LHFPL2: variants seen among roughly 807,000 people sequenced by gnomAD.
LHFPL2 encodes the protein LHFPL tetraspan subfamily member 2 protein.
In LHFPL2, 7 loss-of-function variants were observed where a neutral mutation model predicts 17.5. The ratio of observed to expected loss-of-function variants is 0.40; its 90% confidence interval spans 0.23 to 0.75. The LOEUF (loss-of-function observed/expected upper bound fraction) is 0.75. Ranked by LOEUF, LHFPL2 falls within the 30% of genes least tolerant of loss-of-function variation. The pLI, the probability that LHFPL2 is intolerant of heterozygous loss-of-function variation, is 0.37. For synonymous variants in LHFPL2, 134 were observed against 116.2 expected (o/e 1.15, Z -0.99); for missense variants, 241 against 294.8 (o/e 0.82, Z 1.34).
intron 2 of LHFPL2, among the ~76,000 whole-genome samples, chr5:78,587,505 T>C (rs767533225): frequency 7.9e-5 from 12 of 152,354 alleles, no homozygotes; most frequent in Non-Finnish European, 1.8e-4. Context: ...GCTTGAATCC[T>C]AAATACTCTA....
In LHFPL2 at chr5:78,488,858, A is replaced by G. The variant is rs747382153; in HGVS notation, c.*39T>C. ...TGATGAAACTGTGGACTGTTTCACA[A>G]GATTACTCAAGGGAGAAAATGGCAT... On this transcript the variant is annotated 3_prime_UTR_variant, in exon 5 of 5. Coordinates refer to ENST00000380345, the MANE Select transcript of LHFPL2 (RefSeq NM_005779.3). 79 of 1,605,950 alleles carry G rather than the reference A, an allele frequency of 4.9e-5. No individual in the cohort carries two copies. The highest frequency in any genetic ancestry group is 6.4e-5 in the Non-Finnish European group (75 of 1,176,370).
chr5:78,512,390 A>AAAT (rs1170900615), intron 3 of LHFPL2, among the ~76,000 whole-genome samples: 6 of 150,064 alleles, frequency 4.0e-5, no homozygotes, highest in African/African-American at 7.3e-5. Context: ...TGGATAATTT[A>AAAT]TATCCAACTG....
chr5:78,607,447 C>T (rs561629686), intron 2 of LHFPL2, among the ~76,000 whole-genome samples: 12 of 152,262 alleles, frequency 7.9e-5, no homozygotes, highest in South Asian at 2.1e-4. Flanking sequence ...GTTTGTATTT[C>T]GCCATTCTGA....
intron 3 of LHFPL2, among the ~76,000 whole-genome samples, chr5:78,521,797 A>G (rs1242843208): frequency 1.3e-5 from 2 of 152,208 alleles, no homozygotes; most frequent in African/African-American, 4.8e-5. Flanking sequence ...TTTTGCTCCA[A>G]TCTGCCATTT....
intron 4 of LHFPL2, among the ~76,000 whole-genome samples, chr5:78,489,804 T>A (rs1219037670): frequency 1.3e-5 from 2 of 152,262 alleles, no homozygotes; most frequent in Non-Finnish European, 2.9e-5. Context: ...GGAACACAGC[T>A]GTGGCCATTC....
At chr5:78,627,198 C>A (rs961649157) in intron 2 of LHFPL2, among the ~76,000 whole-genome samples, 1 of 152,118 alleles carries the variant, frequency 6.6e-6, no homozygotes, top group Non-Finnish European at 1.5e-5. Context: ...TGAATGAAGA[C>A]GGACATGGGA....
chr5:78,587,356 A>C (rs1743452932), intron 2 of LHFPL2, among the ~76,000 whole-genome samples: 1 of 152,254 alleles, frequency 6.6e-6, no homozygotes, highest in Non-Finnish European at 1.5e-5. Context: ...CCATTATGGA[A>C]GAATTTCACC....
In LHFPL2 at chr5:78,506,908, G is replaced by A. The variant is rs181317581; in HGVS notation, c.430+2876C>T. ...TTTGAGATGCTGCATAAGTAACAGG[G>A]GTAGGGAGGAAGTTAAAGCTTCCAG... is the stretch of plus-strand genomic sequence containing the variant. On this transcript the variant is annotated intron_variant, in intron 4 of 4. Transcript: ENST00000380345. Among the ~76,000 whole-genome samples the A allele has an allele frequency of 7.0e-4, 107 of 152,120 alleles. 1 individual carries two copies. The highest frequency in any genetic ancestry group is 3.5e-4 in the Non-Finnish European group (24 of 67,992).
At chr5:78,548,432 G>C (rs149879555) in intron 3 of LHFPL2, among the ~76,000 whole-genome samples, 1 of 152,318 alleles carries the variant, frequency 6.6e-6, no homozygotes, top group African/African-American at 2.4e-5. Context: ...GCTGAAAACA[G>C]GCCCCCTGTG....
At chr5:78,508,105 G>A (rs1371124801) in intron 4 of LHFPL2, among the ~76,000 whole-genome samples, 2 of 151,992 alleles carry the variant, frequency 1.3e-5, no homozygotes, top group East Asian at 3.9e-4. Flanking sequence ...GAAGGGGAGA[G>A]TCATCTTCAG....
At chr5:78,513,549 T>C (rs1352671559) in intron 3 of LHFPL2, among the ~76,000 whole-genome samples, 1 of 152,020 alleles carries the variant, frequency 6.6e-6, no homozygotes, top group Non-Finnish European at 1.5e-5. Context: ...TTCCTGGGGG[T>C]GGTGATATGG....
intron 2 of LHFPL2, among the ~76,000 whole-genome samples, chr5:78,589,473 A>AC (rs1743550287): frequency 2.0e-5 from 3 of 151,956 alleles, no homozygotes; most frequent in African/African-American, 7.2e-5. Context: ...ATCTCAAAAA[A>AC]AAAAAAAAAA....
At chr5:78,578,711 A>C (rs780970436) in intron 2 of LHFPL2, among the ~76,000 whole-genome samples, 4 of 152,150 alleles carry the variant, frequency 2.6e-5, no homozygotes, top group Non-Finnish European at 5.9e-5. Flanking sequence ...AATGGGTGAA[A>C]TGAATGACTT....
At chr5:78,630,858 T>C (rs1561373409) in intron 2 of LHFPL2, among the ~76,000 whole-genome samples, 1 of 152,192 alleles carries the variant, frequency 6.6e-6, no homozygotes, top group East Asian at 1.9e-4. Flanking sequence ...CTAGTGACAG[T>C]AGTCTGGCTA....
intron 2 of LHFPL2, among the ~76,000 whole-genome samples, chr5:78,579,150 C>T (rs917439636): frequency 3.9e-5 from 6 of 152,126 alleles, no homozygotes; most frequent in Non-Finnish European, 8.8e-5. Context: ...AAGCAAAACA[C>T]CCTCACATGA....
intron 2 of LHFPL2, among the ~76,000 whole-genome samples, chr5:78,620,912 A>G (rs1467040159): frequency 1.3e-5 from 2 of 151,946 alleles, no homozygotes. Context: ...CTCCAGTGAA[A>G]TATCTCATTT....
In LHFPL2 at chr5:78,488,637, G is replaced by A; in HGVS notation, c.*260C>T. ...TCCTTCATTGAACCTGGGGGAGATG[G>A]AGTCTGACAGAACTTGGCAACTCCA... On this transcript the variant is annotated 3_prime_UTR_variant, in exon 5 of 5. Coordinates refer to ENST00000380345, the MANE Select transcript of LHFPL2 (RefSeq NM_005779.3). 1 of 474,384 alleles carries A rather than the reference G, an allele frequency of 2.1e-6. No homozygotes were observed. The highest frequency in any genetic ancestry group is 3.9e-6 in the Non-Finnish European group (1 of 259,578). 29.4% of individuals were successfully genotyped at this position (474,384 alleles called of 1,614,324 possible). A position where few individuals can be genotyped will look rare whatever the true frequency, so the allele number is the denominator to read the frequency against.
intron 3 of LHFPL2, among the ~76,000 whole-genome samples, chr5:78,554,794 T>C (rs1580803149): frequency 6.6e-6 from 1 of 152,208 alleles, no homozygotes; most frequent in East Asian, 1.9e-4. Flanking sequence ...TTGTGTGTCA[T>C]ATGTGTTCTA....
In LHFPL2 at chr5:78,541,985, C is replaced by G. The variant is rs181797660; in HGVS notation, c.-186+22828G>C. 3.3e-5 allele frequency among the ~76,000 whole-genome samples: 5 copies of G among 152,116 alleles called. No homozygotes were observed. The East Asian group carries it at 9.6e-4, about 29-fold the overall frequency. ...TATGGTGGAAATAATGTTAGAATACCTAGAGTTTGAATTATGACAAGGGTC... is the reference window on the plus strand; with the variant it reads ...TATGGTGGAAATAATGTTAGAATACGTAGAGTTTGAATTATGACAAGGGTC... On this transcript the variant is annotated intron_variant, in intron 3 of 4. Transcript: ENST00000380345.
Sources: gnomAD v4.1 joint callset for allele counts (sites outside exome capture counted in the v4.1 genomes callset) on GRCh38, gnomAD v4.1.1 for gene constraint, MANE v1.5 for transcripts, NCBI Gene and HGNC (gene_info 2026-07-23, HGNC 2026-07-21) for gene names.